DPT: variants seen among roughly 807,000 people sequenced by gnomAD.
DPT encodes tyrosine-rich acidic matrix protein.
DPT carries 21 observed loss-of-function variants against 31.2 expected under a neutral mutation model. The observed-to-expected ratio is 0.67, with a 90% CI of 0.48 to 0.97. DPT has a LOEUF of 0.97. DPT is among the 50% of genes least tolerant of loss of function. The probability of loss-of-function intolerance (pLI) is 0.00; values close to 1 mark genes in which losing one functional copy is unlikely to be tolerated. For missense variants in DPT, 262 were observed against 258.8 expected (o/e 1.01, Z -0.08); for synonymous variants, 91 against 86.9 (o/e 1.05, Z -0.26).
intron 1 of DPT, among the ~76,000 whole-genome samples, chr1:168,715,252 A>G (rs1295767134): frequency 6.6e-6 from 1 of 152,216 alleles, no homozygotes; most frequent in Admixed American, 6.5e-5. Context: ...ATTGACTTAG[A>G]ATAGTACAAT....
chr1:168,698,082 TATCC>T (rs1236069221), intron 3 of DPT, among the ~76,000 whole-genome samples: 1 of 152,206 alleles, frequency 6.6e-6, no homozygotes, highest in Non-Finnish European at 1.5e-5. Flanking sequence ...TTCAACAATT[TATCC>T]TAAACACTAT....
intron 2 of DPT, 96 bp from the exon 3 acceptor site, chr1:168,701,220 G>A (rs1649589691): frequency 1.1e-6 from 1 of 945,950 alleles, no homozygotes; most frequent in Non-Finnish European, 1.7e-6. Context: ...TGGAGTTTGA[G>A]CATCCTGGCA....
intron 3 of DPT, among the ~76,000 whole-genome samples, chr1:168,699,905 C>T (rs1381500947): frequency 5.3e-5 from 8 of 151,968 alleles, no homozygotes; most frequent in East Asian, 1.9e-4. Context: ...TTCTTCTTAC[C>T]GTTTTGATGT....
At chr1:168,724,945 G>A (rs537884400) in intron 1 of DPT, among the ~76,000 whole-genome samples, 7 of 152,172 alleles carry the variant, frequency 4.6e-5, no homozygotes, top group African/African-American at 1.7e-4. Flanking sequence ...TTTGAAGCCC[G>A]GGGTAAAAAG....
intron 2 of DPT, among the ~76,000 whole-genome samples, chr1:168,710,487 G>T (rs1343244953): frequency 6.6e-6 from 1 of 152,164 alleles, no homozygotes; most frequent in African/African-American, 2.4e-5. Flanking sequence ...GTTCAGAGTG[G>T]CAAAGTCATT....
intron 1 of DPT, among the ~76,000 whole-genome samples, chr1:168,725,328 C>A (rs1650217574): frequency 6.7e-6 from 1 of 149,590 alleles, no homozygotes; most frequent in Admixed American, 6.7e-5. Flanking sequence ...TCCCTTCCTT[C>A]TCTCTCTCTC....
At chr1:168,712,349 C>T (rs1400683489) in intron 2 of DPT, among the ~76,000 whole-genome samples, 1 of 152,188 alleles carries the variant, frequency 6.6e-6, no homozygotes, top group Non-Finnish European at 1.5e-5. Flanking sequence ...TCACTCTTTC[C>T]CCTGCTCCTG....
intron 2 of DPT, among the ~76,000 whole-genome samples, chr1:168,703,371 T>C (rs1311437889): frequency 6.6e-6 from 1 of 152,242 alleles, no homozygotes; most frequent in Non-Finnish European, 1.5e-5. Context: ...AGCTTACCTT[T>C]AAAAACATCA....
At chr1:168,705,100 GT>G (rs1489444915) in intron 2 of DPT, among the ~76,000 whole-genome samples, 1 of 152,176 alleles carries the variant, frequency 6.6e-6, no homozygotes, top group Non-Finnish European at 1.5e-5. Flanking sequence ...CAGAGGTTGG[GT>G]TGAGAACTTA....
intron 2 of DPT, among the ~76,000 whole-genome samples, chr1:168,707,799 A>G (rs1649756261): frequency 1.3e-5 from 2 of 152,112 alleles, no homozygotes; most frequent in East Asian, 3.8e-4. Context: ...CATGTGAAGG[A>G]CATGTTTGCT....
chr1:168,708,204 GT>G (rs966894514), intron 2 of DPT, among the ~76,000 whole-genome samples: 2 of 151,928 alleles, frequency 1.3e-5, no homozygotes, highest in African/African-American at 4.8e-5. Flanking sequence ...TATTTTTATT[GT>G]TTTTTTCTGA....
chr1:168,718,997 C>T (rs977296275), intron 1 of DPT, among the ~76,000 whole-genome samples: 1 of 152,182 alleles, frequency 6.6e-6, no homozygotes, highest in African/African-American at 2.4e-5. Flanking sequence ...CTTTGGAGCA[C>T]AGGTACTTTA....
At chr1:168,702,764 A>C (rs1254680330) in intron 2 of DPT, among the ~76,000 whole-genome samples, 1 of 152,022 alleles carries the variant, frequency 6.6e-6, no homozygotes, top group African/African-American at 2.4e-5. Context: ...GGTGTGTGCC[A>C]CCACACCCAG....
At chr1:168,703,866 T>C (rs1649657284) in intron 2 of DPT, among the ~76,000 whole-genome samples, 1 of 152,220 alleles carries the variant, frequency 6.6e-6, no homozygotes, top group Admixed American at 6.5e-5. Context: ...GGATGCTGTG[T>C]TCTGTATTTT....
intron 1 of DPT, among the ~76,000 whole-genome samples, chr1:168,727,279 C>A (rs138370493): frequency 6.6e-6 from 1 of 152,344 alleles, no homozygotes; most frequent in African/African-American, 2.4e-5. Context: ...AATACTGGAT[C>A]TCTAGACTGC....
In DPT at chr1:168,698,224, G is replaced by A. The variant is rs368775972; in HGVS notation, c.540-1609C>T. On this transcript the variant is annotated intron_variant, in intron 3 of 3. Coordinates refer to ENST00000367817, the MANE Select transcript of DPT (RefSeq NM_001937.5). ...TTTCTAATTCTGAGTCTGTTGCTCC[G>A]GGTCGTTTGTTTAGAACAATTGGGT... 2.5e-4 allele frequency among the ~76,000 whole-genome samples: 38 copies of A among 152,226 alleles called. No individual in the cohort carries two copies. In the South Asian group the frequency reaches 5.2e-3, roughly 21 times the overall value.
In DPT at chr1:168,696,423, C is replaced by T; in HGVS notation, c.*126G>A. The T allele has an allele frequency of 1.3e-6, 1 of 750,328 alleles. No homozygotes were observed. The highest frequency in any genetic ancestry group is 2.1e-6 in the Non-Finnish European group (1 of 466,822). 46.5% of individuals were successfully genotyped at this position (750,328 alleles called of 1,614,324 possible). ...GCCCAGGAAGTTGGCATTGCAGTTA[C>T]CAGCTCAGGGAGAAGGAAAGAGAGC... On this transcript the variant is annotated 3_prime_UTR_variant, in exon 4 of 4. Transcript: ENST00000367817.
At chr1:168,720,523 A>G (rs147441609) in intron 1 of DPT, among the ~76,000 whole-genome samples, 69 of 152,312 alleles carry the variant, frequency 4.5e-4, no homozygotes, top group Non-Finnish European at 9.3e-4. Flanking sequence ...TGAACAAGGT[A>G]AAAGGAAGCA....
intron 3 of DPT, among the ~76,000 whole-genome samples, chr1:168,696,945 A>G (rs1649481446): frequency 1.3e-5 from 2 of 152,140 alleles, no homozygotes; most frequent in Admixed American, 6.6e-5. Flanking sequence ...TTTATTTAAC[A>G]TCATCTCCAT....
Sources: allele counts gnomAD v4.1 joint callset (sites outside exome capture counted in the v4.1 genomes callset), GRCh38; gene constraint gnomAD v4.1.1; transcripts MANE v1.5; gene names NCBI Gene and HGNC (gene_info 2026-07-23, HGNC 2026-07-21).